Variants in CECR2 observed in about 807,000 individuals in gnomAD.
The protein encoded by CECR2 is chromatin remodeling regulator CECR2.
Under a neutral mutation model 154.5 loss-of-function variants are expected in CECR2, and 30 were observed. That is an observed-to-expected ratio of 0.19 (90% CI 0.15 to 0.26). CECR2 has a LOEUF of 0.26. CECR2 is among the 10% of genes least tolerant of loss of function. The probability of loss-of-function intolerance (pLI) is 1.00; values close to 1 mark genes in which losing one functional copy is unlikely to be tolerated. For synonymous variants in CECR2, 725 were observed against 683.7 expected (o/e 1.06, Z -0.94); for missense variants, 1,743 against 1,829.3 (o/e 0.95, Z 0.86).
At chr22:17,393,253 A>T (rs1390804759) in intron 1 of CECR2, among the ~76,000 whole-genome samples, 1 of 152,110 alleles carries the variant, frequency 6.6e-6, no homozygotes, top group Non-Finnish European at 1.5e-5. Context: ...GGCCTTCATA[A>T]TGAGTAGAAT....
At chr22:17,413,533 AC>A (rs2054097732) in intron 1 of CECR2, among the ~76,000 whole-genome samples, 1 of 152,198 alleles carries the variant, frequency 6.6e-6, no homozygotes, top group Admixed American at 6.5e-5. Context: ...AGAGTCCTTC[AC>A]TGCAGGACTC....
intron 1 of CECR2, among the ~76,000 whole-genome samples, chr22:17,409,125 T>G (rs1011834098): frequency 1.5e-4 from 20 of 134,602 alleles, no homozygotes; most frequent in South Asian, 2.2e-4. Flanking sequence ...TGTTTTCTTG[T>G]TTTTTTTTGT....
chr22:17,365,950 A>G (rs2063000135), upstream of CECR2, among the ~76,000 whole-genome samples: 1 of 152,170 alleles, frequency 6.6e-6, no homozygotes, highest in Non-Finnish European at 1.5e-5. Flanking sequence ...CATATTTTGC[A>G]ATGGGAAACA....
intron 1 of CECR2, among the ~76,000 whole-genome samples, chr22:17,402,754 C>CTT (rs386394918): frequency 1.5e-4 from 18 of 123,100 alleles, no homozygotes; most frequent in South Asian, 5.0e-4. Context: ...TTCTTTTCTT[C>CTT]TTTTTTTTTT....
intron 1 of CECR2, among the ~76,000 whole-genome samples, chr22:17,377,553 G>A (rs1411954031): frequency 6.6e-6 from 1 of 151,710 alleles, no homozygotes; most frequent in African/African-American, 2.4e-5. Context: ...ACATGCCACT[G>A]CCTTTGGCTT....
At chr22:17,534,962 A>T (rs1363793798) in intron 9 of CECR2, among the ~76,000 whole-genome samples, 1 of 150,992 alleles carries the variant, frequency 6.6e-6, no homozygotes, top group Non-Finnish European at 1.5e-5. Flanking sequence ...CATCCTGGCT[A>T]ACACAGTGAA....
At chr22:17,361,165 A>ACAAAGCAAAACAAAACAAAG (rs2062974944) in intron 1 of CECR2, among the ~76,000 whole-genome samples, 1 of 152,000 alleles carries the variant, frequency 6.6e-6, no homozygotes, top group African/African-American at 2.4e-5. Context: ...CCTGTCTCAA[A>ACAAAGCAAAACAAAACAAAG]CAAAGCAAAA....
intron 9 of CECR2, among the ~76,000 whole-genome samples, chr22:17,527,032 A>G (rs2146974923): frequency 6.6e-6 from 1 of 152,296 alleles, no homozygotes; most frequent in African/African-American, 2.4e-5. Context: ...AACATTTGCA[A>G]ACTGCCCAGT....
chr22:17,506,861 G>A (rs2146907509), intron 7 of CECR2, among the ~76,000 whole-genome samples: 1 of 152,174 alleles, frequency 6.6e-6, no homozygotes, highest in Non-Finnish European at 1.5e-5. Flanking sequence ...TCGCTGTGTT[G>A]GCCAGGCTGG....
chr22:17,432,180 A>AT (rs141953067), intron 1 of CECR2, among the ~76,000 whole-genome samples: 9,846 of 104,858 alleles, frequency 0.094, 37 homozygotes, highest in East Asian at 0.13. Context: ...GCCTGTATGG[A>AT]TTTGCCCACT....
At position 17,425,061 on chromosome 22, in the gene CECR2, A is replaced by C. The variant is rs191917115; in HGVS notation, c.127-52527A>C. Among the ~76,000 whole-genome samples the C allele has an allele frequency of 2.6e-5, 4 of 152,312 alleles. No homozygotes were observed. The East Asian group carries it at 7.7e-4, about 29-fold the overall frequency. On this transcript the variant is annotated intron_variant, in intron 1 of 18. Coordinates refer to ENST00000262608, the MANE Select transcript of CECR2 (RefSeq NM_001290047.2). ...TTGAAGCTTGGCTTTTACGTTAACT[A>C]TGCATTTACTTGCCTTTTGAAAAAT...
chr22:17,521,524 CAAA>C (rs695285), intron 8 of CECR2, among the ~76,000 whole-genome samples: 9 of 142,344 alleles, frequency 6.3e-5, no homozygotes, highest in South Asian at 2.2e-4. Context: ...GACTCCATCT[CAAA>C]AAAAAAAAAA....
intron 1 of CECR2, among the ~76,000 whole-genome samples, chr22:17,398,764 TACTATTC>T (rs1490599554): frequency 6.6e-6 from 1 of 152,238 alleles, no homozygotes; most frequent in Non-Finnish European, 1.5e-5. Context: ...AATTAGCTGT[TACTATTC>T]ACTAAACATT....
At position 17,457,867 on chromosome 22, in the gene CECR2, C is replaced by T. The variant is rs118012489; in HGVS notation, c.127-19721C>T. 2.8e-4 allele frequency among the ~76,000 whole-genome samples: 42 copies of T among 152,246 alleles called. No individual in the cohort carries two copies. The East Asian group carries it at 6.7e-3, about 24-fold the overall frequency. ...TTCATGCAAAAACTGGGAGACATTT[C>T]AAGGAAATTGTGCTGAGTGAAAGAA... On this transcript the variant is annotated intron_variant, in intron 1 of 18. Coordinates refer to ENST00000262608, the MANE Select transcript of CECR2 (RefSeq NM_001290047.2).
At chr22:17,383,546 C>T (rs956424679) in intron 1 of CECR2, among the ~76,000 whole-genome samples, 2 of 151,888 alleles carry the variant, frequency 1.3e-5, no homozygotes, top group African/African-American at 4.8e-5. Flanking sequence ...TAAGAACCAA[C>T]TCCTTTTAAT....
At chr22:17,364,008 T>C (rs5992671) in intron 1 of CECR2, among the ~76,000 whole-genome samples, 35,485 of 151,908 alleles carry the variant, frequency 0.23, 6,699 homozygotes, top group African/African-American at 0.53. Flanking sequence ...ATGCAGCTCC[T>C]TAATGAGAAA....
In CECR2 at chr22:17,554,812, G is replaced by A. The variant is rs1344626926; in HGVS notation, c.*1972G>A. Reference sequence around the variant, plus strand: ...GAAGAGTGAAGAGGACAGAAGGATTGTGGATGGGTCTGCCCTTTAGCTAGT... The same window carrying A: ...GAAGAGTGAAGAGGACAGAAGGATTATGGATGGGTCTGCCCTTTAGCTAGT... On this transcript the variant is annotated 3_prime_UTR_variant, in exon 19 of 19. Coordinates refer to ENST00000262608, the MANE Select transcript of CECR2 (RefSeq NM_001290047.2). The A allele has an allele frequency of 6.6e-6, 1 of 152,230 alleles. No individual in the cohort carries two copies. Among genetic ancestry groups the A allele is most frequent in the African/African-American group, 2.4e-5 (1 of 41,456 alleles). The allele number at this position is 152,230 out of a possible 1,614,324, so 9.4% of individuals were successfully genotyped here.
chr22:17,387,941 G>C (rs1217028124), intron 1 of CECR2, among the ~76,000 whole-genome samples: 2 of 148,430 alleles, frequency 1.3e-5, no homozygotes, highest in Middle Eastern at 3.2e-3. Flanking sequence ...TAAGTTTTGA[G>C]TTTTTTTTTT....
chr22:17,394,197 CTTTTTTT>C (rs71200271), intron 1 of CECR2, among the ~76,000 whole-genome samples: 1 of 97,088 alleles, frequency 1.0e-5, no homozygotes, highest in Non-Finnish European at 2.0e-5. Context: ...GCTGCCGCTG[CTTTTTTT>C]TTTTTTTTTT....
Sources: gnomAD v4.1 joint callset for allele counts (sites outside exome capture counted in the v4.1 genomes callset) on GRCh38, gnomAD v4.1.1 for gene constraint, MANE v1.5 for transcripts, NCBI Gene and HGNC (gene_info 2026-07-23, HGNC 2026-07-21) for gene names.